The following TSHZ2 variants were observed in gnomAD, a reference collection of about 807,000 sequenced individuals.
TSHZ2 encodes teashirt zinc finger homeobox 2, also known as teashirt homolog 2.
TSHZ2 carries 21 observed loss-of-function variants against 74.4 expected under a neutral mutation model. The ratio of observed to expected loss-of-function variants is 0.28; its 90% CI spans 0.20 to 0.41. TSHZ2 has a LOEUF of 0.41. Ranked by LOEUF, TSHZ2 falls within the 10% of genes least tolerant of loss-of-function variation. TSHZ2 has a pLI of 1.00. For synonymous variants in TSHZ2, 540 were observed against 515.3 expected, an observed-to-expected ratio of 1.05 and a Z score of -0.65; for missense variants, 1,244 against 1,293.5, an observed-to-expected ratio of 0.96 and a Z score of 0.59.
chr20:53,052,668 T>C (rs1984514491), intron 1 of TSHZ2, among the ~76,000 whole-genome samples: 1 of 152,238 alleles, frequency 6.6e-6, no homozygotes, highest in African/African-American at 2.4e-5. Flanking sequence ...TGTATGCATA[T>C]ACTACATTTC....
intron 1 of TSHZ2, among the ~76,000 whole-genome samples, chr20:53,060,204 T>A (rs1259607684): frequency 6.6e-6 from 1 of 152,140 alleles, no homozygotes. Context: ...AAGTCAAAAT[T>A]TTTCAGATCT....
intron 2 of TSHZ2, among the ~76,000 whole-genome samples, chr20:53,466,899 TGGAAGATTCTA>T (rs777096159): frequency 3.3e-5 from 5 of 152,240 alleles, no homozygotes; most frequent in Non-Finnish European, 7.3e-5. Flanking sequence ...AATGTGCCTT[TGGAAGATTCTA>T]GTTAGTTTCA....
At chr20:53,005,916 A>ATTAGTGGGTGCAGCGCACC (rs1982627261) in intron 1 of TSHZ2, among the ~76,000 whole-genome samples, 1 of 152,206 alleles carries the variant, frequency 6.6e-6, no homozygotes, top group South Asian at 2.1e-4. Context: ...AAATAATCCC[A>ATTAGTGGGTGCAGCGCACC]AGAGAAGAAT....
chr20:53,169,709 T>C (rs905201443), intron 1 of TSHZ2, among the ~76,000 whole-genome samples: 1 of 152,164 alleles, frequency 6.6e-6, no homozygotes. Context: ...CAGAATCCAG[T>C]TTATATCAGT....
intron 1 of TSHZ2, among the ~76,000 whole-genome samples, chr20:53,009,044 A>C (rs1982755705): frequency 7.3e-6 from 1 of 137,476 alleles, no homozygotes; most frequent in Non-Finnish European, 1.5e-5. Flanking sequence ...AATATCTTGT[A>C]CTGGCTGGGC....
chr20:53,344,562 A>T (rs1980359963), intron 2 of TSHZ2, among the ~76,000 whole-genome samples: 1 of 152,174 alleles, frequency 6.6e-6, no homozygotes, highest in African/African-American at 2.4e-5. Flanking sequence ...GAGAGAGCGA[A>T]TGACAAAGAG....
intron 2 of TSHZ2, among the ~76,000 whole-genome samples, chr20:53,361,137 CAG>C (rs1235683557): frequency 2.0e-5 from 3 of 152,178 alleles, no homozygotes; most frequent in Admixed American, 2.0e-4. Context: ...ACTGAGGCAT[CAG>C]TAAATAAAGA....
chr20:53,083,624 C>T (rs2123236861), intron 1 of TSHZ2, among the ~76,000 whole-genome samples: 1 of 152,350 alleles, frequency 6.6e-6, no homozygotes, highest in East Asian at 1.9e-4. Flanking sequence ...AAACCTTAGT[C>T]TGTCATTGTT....
chr20:53,116,398 GC>G, intron 1 of TSHZ2, among the ~76,000 whole-genome samples: 1 of 152,018 alleles, frequency 6.6e-6, no homozygotes, highest in African/African-American at 2.4e-5. Flanking sequence ...CTTCCCACAG[GC>G]CACCTCTCTG....
At position 53,240,303 on chromosome 20, in the gene TSHZ2, G is replaced by A. The variant is rs185985863; in HGVS notation, c.41-13196G>A. Among the ~76,000 whole-genome samples the A allele has an allele frequency of 2.4e-4, 37 of 152,218 alleles. No homozygotes were observed. The East Asian group carries it at 4.8e-3, about 20-fold the overall frequency. On this transcript the variant is annotated intron_variant, in intron 1 of 2. Coordinates refer to ENST00000371497, the MANE Select transcript of TSHZ2 (RefSeq NM_173485.6). ...AGGTGATTAGGTTTGATGATTCAGC[G>A]CCCACACATAGACCTGGGATGGGAC...
At chr20:53,361,013 G>A (rs7264560) in intron 2 of TSHZ2, among the ~76,000 whole-genome samples, 3 of 152,146 alleles carry the variant, frequency 2.0e-5, no homozygotes, top group African/African-American at 7.2e-5. Context: ...GTGAAGCACA[G>A]GAAAAATCCA....
rs537728035 is a variant in TSHZ2 at position 53,053,666 on chromosome 20, G to A, written c.40+80333G>A. 5.3e-5 allele frequency among the ~76,000 whole-genome samples: 8 copies of A among 152,196 alleles called. No individual in the cohort carries two copies. The East Asian group carries it at 5.8e-4, about 11-fold the overall frequency. ...GAAATCAATAGGAGGGATAACAACCGATTATACTATGAGAAAGAAAATTTT... is the reference window on the plus strand; with the variant it reads ...GAAATCAATAGGAGGGATAACAACCAATTATACTATGAGAAAGAAAATTTT... On this transcript the variant is annotated intron_variant, in intron 1 of 2. Coordinates refer to ENST00000371497, the MANE Select transcript of TSHZ2 (RefSeq NM_173485.6).
chr20:53,178,250 G>T (rs77689663), intron 1 of TSHZ2: 2,118 of 152,256 alleles, frequency 0.014, 27 homozygotes, highest in Middle Eastern at 0.054. Flanking sequence ...GGCACCTCCC[G>T]CGAGTGCTCA....
intron 1 of TSHZ2, chr20:53,196,089 T>C (rs1257077489): frequency 1.3e-5 from 2 of 152,198 alleles, no homozygotes; most frequent in South Asian, 2.1e-4. Flanking sequence ...AGTCAGCTAC[T>C]GACTGCCATT....
rs546326262 is a variant in TSHZ2, at chr20:53,379,314, A to G, written c.*9-107830A>G. On this transcript the variant is annotated intron_variant, in intron 2 of 2. Coordinates refer to ENST00000371497, the MANE Select transcript of TSHZ2 (RefSeq NM_173485.6). Reference sequence around the variant, plus strand: ...GGAGGATCACCTGAGCCCGGGAGGTAAAAGCTGAAATGAGCCGTGATTGTG... The same window carrying G: ...GGAGGATCACCTGAGCCCGGGAGGTGAAAGCTGAAATGAGCCGTGATTGTG... 2.2e-4 allele frequency among the ~76,000 whole-genome samples: 33 copies of G among 152,326 alleles called. No homozygotes were observed. The South Asian group carries it at 6.8e-3, about 32-fold the overall frequency.
intron 1 of TSHZ2, among the ~76,000 whole-genome samples, chr20:53,187,260 T>C (rs1988622514): frequency 6.6e-6 from 1 of 152,188 alleles, no homozygotes; most frequent in Non-Finnish European, 1.5e-5. Context: ...AGAATTCCTG[T>C]TCCTTCTGTC....
intron 2 of TSHZ2, among the ~76,000 whole-genome samples, chr20:53,462,283 C>T (rs1388514744): frequency 7.9e-5 from 12 of 151,982 alleles, no homozygotes; most frequent in African/African-American, 2.2e-4. Context: ...AATTCATTTT[C>T]TTATAAGGAC....
chr20:53,173,042 C>T (rs1207557913), intron 1 of TSHZ2, among the ~76,000 whole-genome samples: 1 of 152,126 alleles, frequency 6.6e-6, no homozygotes, highest in Admixed American at 6.6e-5. Flanking sequence ...TCATAATGGT[C>T]TTGAGCTGGT....
rs563737390 is a variant in TSHZ2, at chr20:53,082,237, C to G, written c.40+108904C>G. 7.0e-4 allele frequency among the ~76,000 whole-genome samples: 106 copies of G among 152,218 alleles called. 1 individual carries two copies. Among genetic ancestry groups the G allele is most frequent in the African/African-American group, 2.5e-3 (105 of 41,516 alleles). ...TGTATTTTTAAATCATGTGGTAATC[C>G]CCTTTGTACATACTAAATAAGTCCC... On this transcript the variant is annotated intron_variant, in intron 1 of 2. Transcript: ENST00000371497.
Sources: gnomAD v4.1 joint callset for allele counts (sites outside exome capture counted in the v4.1 genomes callset) on GRCh38, gnomAD v4.1.1 for gene constraint, MANE v1.5 for transcripts, NCBI Gene and HGNC (gene_info 2026-07-23, HGNC 2026-07-21) for gene names.